TYW1B: variants seen among roughly 807,000 people sequenced by gnomAD.
TYW1B encodes the protein S-adenosyl-L-methionine-dependent tRNA 4-demethylwyosine synthase TYW1B.
TYW1B carries 73 observed loss-of-function variants against 86.9 expected under a neutral mutation model. That is an observed-to-expected ratio of 0.84 (90% CI 0.70 to 1.02). TYW1B has a LOEUF of 1.02. TYW1B is among the 50% of genes least tolerant of loss of function. TYW1B has a pLI of 0.00. For synonymous variants in TYW1B, 248 were observed against 292.8 expected (o/e 0.85, Z 1.56); for missense variants, 637 against 827.4 (o/e 0.77, Z 2.82).
intron 7 of TYW1B, among the ~76,000 whole-genome samples, chr7:72,773,026 T>C (rs1373546347): frequency 6.6e-6 from 1 of 152,212 alleles, no homozygotes; most frequent in Non-Finnish European, 1.5e-5. Flanking sequence ...ATACCAAATA[T>C]GCATTTAAAA....
chr7:72,782,455 A>G (rs781894432), intron 6 of TYW1B, among the ~76,000 whole-genome samples: 1 of 141,248 alleles, frequency 7.1e-6, no homozygotes, highest in Non-Finnish European at 1.6e-5. Flanking sequence ...GGAAACTGAT[A>G]AACAGGAGTT....
chr7:72,582,892 T>C (rs4717049), intron 13 of TYW1B, among the ~76,000 whole-genome samples: 23,446 of 152,142 alleles, frequency 0.15, 2,470 homozygotes, highest in East Asian at 0.56. Flanking sequence ...AAATAGCAAT[T>C]GCAGGAGATG....
intron 9 of TYW1B, among the ~76,000 whole-genome samples, chr7:72,724,545 G>A (rs13311864): frequency 6.6e-6 from 1 of 151,928 alleles, no homozygotes; most frequent in East Asian, 1.9e-4. Context: ...GTGCTGACCC[G>A]TCTACACCCT....
At chr7:72,591,819 CTTTTAT>C (rs199839923) in intron 13 of TYW1B, among the ~76,000 whole-genome samples, 2,438 of 151,886 alleles carry the variant, frequency 0.016, 34 homozygotes, top group Non-Finnish European at 0.028. Context: ...TATATTTTTT[CTTTTAT>C]TTTTATTTTT....
At chr7:72,736,094 C>A (rs1355902764) in intron 8 of TYW1B, among the ~76,000 whole-genome samples, 3 of 152,166 alleles carry the variant, frequency 2.0e-5, no homozygotes, top group Non-Finnish European at 4.4e-5. Context: ...ATACACTGAA[C>A]AAAGGAGACA....
At position 72,575,228 on chromosome 7, in the gene TYW1B, T is replaced by C. The variant is rs1482904142; in HGVS notation, c.*270A>G. ...TACAAAACCATCAGTTAAATTCTAA[T>C]CACGACTGTGTAGTTCCTCCCCAAA... On this transcript the variant is annotated 3_prime_UTR_variant, in exon 14 of 14. Transcript: ENST00000620995. The C allele has an allele frequency of 7.8e-7, 1 of 1,275,820 alleles. No individual in the cohort carries two copies. The highest frequency in any genetic ancestry group is 1.5e-5 in the African/African-American group (1 of 66,960). 79.0% of individuals were successfully genotyped at this position (1,275,820 alleles called of 1,614,324 possible). A position where few individuals can be genotyped will look rare whatever the true frequency, so the allele number is the denominator to read the frequency against.
intron 13 of TYW1B, among the ~76,000 whole-genome samples, chr7:72,579,683 C>T (rs1554429327): frequency 6.6e-6 from 1 of 152,166 alleles, no homozygotes; most frequent in Non-Finnish European, 1.5e-5. Flanking sequence ...TAGGTTCTCA[C>T]TCTGTCACCC....
At chr7:72,808,544 T>TTTA (rs1788538972) in intron 4 of TYW1B, among the ~76,000 whole-genome samples, 1 of 151,092 alleles carries the variant, frequency 6.6e-6, no homozygotes, top group African/African-American at 2.4e-5. Context: ...TTTTTTTTTT[T>TTTA]GAGACGGAGT....
At chr7:72,772,599 A>G (rs1787887208) in intron 7 of TYW1B, among the ~76,000 whole-genome samples, 2 of 152,114 alleles carry the variant, frequency 1.3e-5, no homozygotes, top group African/African-American at 2.4e-5. Context: ...AAAAGCATGG[A>G]AAAAGCCAGG....
intron 3 of TYW1B, among the ~76,000 whole-genome samples, chr7:72,811,834 C>A (rs1227998139): frequency 6.6e-6 from 1 of 150,710 alleles, no homozygotes; most frequent in Non-Finnish European, 1.5e-5. Context: ...ACTGCTTTAG[C>A]CCAGGAGGCA....
chr7:72,697,315 C>A (rs1317944578), intron 10 of TYW1B, among the ~76,000 whole-genome samples: 2 of 152,028 alleles, frequency 1.3e-5, no homozygotes, highest in Non-Finnish European at 2.9e-5. Flanking sequence ...AGATGCTACA[C>A]CCAAGGAAGT....
intron 7 of TYW1B, among the ~76,000 whole-genome samples, chr7:72,746,004 T>C (rs782426129): frequency 2.6e-5 from 4 of 151,878 alleles, no homozygotes; most frequent in Non-Finnish European, 5.9e-5. Flanking sequence ...GCTGGGATTA[T>C]AGGCATATGG....
intron 4 of TYW1B, among the ~76,000 whole-genome samples, chr7:72,807,997 A>G (rs35420103): frequency 0.082 from 12,397 of 151,946 alleles, 894 homozygotes; most frequent in East Asian, 0.32. Context: ...GTTTGAGGCC[A>G]GGAGTTCAAG....
At chr7:72,795,601 T>A (rs1554474339) in intron 6 of TYW1B, among the ~76,000 whole-genome samples, 1 of 150,964 alleles carries the variant, frequency 6.6e-6, no homozygotes, top group African/African-American at 2.4e-5. Context: ...GATGCTAAAT[T>A]TGGTTGGTTG....
intron 2 of TYW1B, chr7:72,822,838 T>G (rs868971368): frequency 2.0e-5 from 3 of 152,124 alleles, no homozygotes; most frequent in Non-Finnish European, 2.9e-5. Context: ...AAAAAAAATT[T>G]TTTTAATTAG....
chr7:72,825,436 T>C (rs1293122198), intron 2 of TYW1B, among the ~76,000 whole-genome samples: 1 of 152,170 alleles, frequency 6.6e-6, no homozygotes, highest in African/African-American at 2.4e-5. Flanking sequence ...CCCAGCACTT[T>C]GGGAGGCCGA....
intron 11 of TYW1B, among the ~76,000 whole-genome samples, chr7:72,679,710 A>G (rs556376584): frequency 2.6e-5 from 4 of 152,226 alleles, no homozygotes; most frequent in Non-Finnish European, 5.9e-5. Flanking sequence ...TTTTAAAAAA[A>G]TGGTCAAAAA....
intron 11 of TYW1B, among the ~76,000 whole-genome samples, chr7:72,660,536 T>C (rs567005518): frequency 1.2e-4 from 18 of 152,314 alleles, no homozygotes; most frequent in African/African-American, 3.8e-4. Context: ...AGAACTACTT[T>C]CAGATTCTGC....
intron 13 of TYW1B, among the ~76,000 whole-genome samples, chr7:72,612,670 G>A (rs1811962505): frequency 6.6e-6 from 1 of 152,126 alleles, no homozygotes; most frequent in South Asian, 2.1e-4. Flanking sequence ...CGCCAACACA[G>A]TATTCCATCT....
Sources: gnomAD v4.1 joint callset for allele counts (sites outside exome capture counted in the v4.1 genomes callset) on GRCh38, gnomAD v4.1.1 for gene constraint, MANE v1.5 for transcripts, NCBI Gene and HGNC (gene_info 2026-07-23, HGNC 2026-07-21) for gene names.